The following PCDH15 variants were observed in gnomAD, a reference collection of about 807,000 sequenced individuals.
PCDH15 encodes protocadherin-15.
PCDH15 carries 129 observed loss-of-function variants against 178.5 expected under a neutral mutation model. The observed-to-expected ratio is 0.72, with a 90% CI of 0.63 to 0.84. PCDH15 has a LOEUF of 0.84. PCDH15 is among the 40% of genes least tolerant of loss of function. The pLI is 0.00. For missense variants in PCDH15, 2,230 were observed against 2,099.9 expected, an observed-to-expected ratio of 1.06 and a Z score of -1.21; for synonymous variants, 800 against 732.0, an observed-to-expected ratio of 1.09 and a Z score of -1.50.
chr10:54,887,042 G>A (rs1416187401), intron 3 of PCDH15, among the ~76,000 whole-genome samples: 1 of 152,076 alleles, frequency 6.6e-6, no homozygotes, highest in Non-Finnish European at 1.5e-5. Context: ...AATTCCCCAA[G>A]GACTATTCAA....
chr10:55,255,907 C>T (rs1841983562), intron 1 of PCDH15, among the ~76,000 whole-genome samples: 1 of 152,158 alleles, frequency 6.6e-6, no homozygotes, highest in African/African-American at 2.4e-5. Flanking sequence ...GTTGCCTGTT[C>T]ACTCTGATGG....
chr10:55,173,319 G>GTGTGTGTGTGTA (rs1839390206), intron 1 of PCDH15, among the ~76,000 whole-genome samples: 1 of 149,144 alleles, frequency 6.7e-6, no homozygotes, highest in Non-Finnish European at 1.5e-5. Flanking sequence ...ATGTGTGTGT[G>GTGTGTGTGTGTA]TGTGTGTGTG....
chr10:54,382,468 C>T (rs1263168296), intron 3 of PCDH15, among the ~76,000 whole-genome samples: 1 of 152,042 alleles, frequency 6.6e-6, no homozygotes, highest in East Asian at 1.9e-4. Flanking sequence ...TTAGAGCTTG[C>T]CACCCATACA....
chr10:55,039,290 A>G (rs954856112), intron 2 of PCDH15, among the ~76,000 whole-genome samples: 2 of 152,148 alleles, frequency 1.3e-5, no homozygotes, highest in Non-Finnish European at 2.9e-5. Context: ...CATGAAGAAG[A>G]GACTAAAACA....
At chr10:55,379,818 G>T (rs931277192) in intron 2 of PCDH15, among the ~76,000 whole-genome samples, 1 of 152,016 alleles carries the variant, frequency 6.6e-6, no homozygotes, top group Non-Finnish European at 1.5e-5. Context: ...GAAAAAAGAG[G>T]GGGAAACAAT....
At chr10:54,957,105 T>G (rs1283043286) in intron 2 of PCDH15, among the ~76,000 whole-genome samples, 1 of 151,686 alleles carries the variant, frequency 6.6e-6, no homozygotes, top group Non-Finnish European at 1.5e-5. Flanking sequence ...CATTTAAACT[T>G]TATAACTTTC....
At chr10:54,696,741 C>G (rs2095232247) in intron 1 of PCDH15, among the ~76,000 whole-genome samples, 1 of 151,826 alleles carries the variant, frequency 6.6e-6, no homozygotes, top group Non-Finnish European at 1.5e-5. Context: ...CTACTTCGAG[C>G]TTTATTTTAG....
At chr10:53,987,581 A>G (rs1169588462) in intron 21 of PCDH15, among the ~76,000 whole-genome samples, 2 of 152,350 alleles carry the variant, frequency 1.3e-5, no homozygotes, top group East Asian at 3.9e-4. Flanking sequence ...ATGAAAATAA[A>G]CTTACAGAGT....
intron 32 of PCDH15, 137 bp downstream of exon 32, chr10:53,827,256 A>AAAT (rs1489027418): frequency 1.6e-6 from 2 of 1,273,142 alleles, no homozygotes; most frequent in Admixed American, 5.7e-5. Flanking sequence ...TCGTCTTAAC[A>AAAT]AATTTTCTCT....
intron 37 of PCDH15, among the ~76,000 whole-genome samples, chr10:53,810,024 AGTGTT>A (rs553497386): frequency 1.4e-3 from 210 of 152,160 alleles, no homozygotes; most frequent in Non-Finnish European, 2.6e-3. Flanking sequence ...ATTTCTTGTT[AGTGTT>A]GTTTTTGTAT....
chr10:54,393,336 C>T (rs1446930972), intron 3 of PCDH15, among the ~76,000 whole-genome samples: 1 of 152,132 alleles, frequency 6.6e-6, no homozygotes, highest in Non-Finnish European at 1.5e-5. Context: ...AGTTTTCTTT[C>T]TCAAGAAGGT....
At chr10:55,316,192 T>C (rs988295552) in intron 1 of PCDH15, among the ~76,000 whole-genome samples, 2 of 152,308 alleles carry the variant, frequency 1.3e-5, no homozygotes, top group Non-Finnish European at 2.9e-5. Context: ...CATATGCTAC[T>C]GTAAATAAAT....
chr10:54,949,570 G>A (rs903437995), intron 2 of PCDH15, among the ~76,000 whole-genome samples: 1 of 151,824 alleles, frequency 6.6e-6, no homozygotes, highest in Non-Finnish European at 1.5e-5. Context: ...CAAAAAATGG[G>A]TTTTTCTTTT....
chr10:54,527,868 A>G lies in PCDH15; in HGVS notation c.101T>C (p.Leu34Pro). The part of the protein sequence containing the change: ...CLGQYDDDCK[L>P]ARGGPPATIV... ...GGTAGCTGGTGGTCCTCCCCTAGCTAGTTTGCAATCTAAAGAGAGAAAATA... is the reference window on the plus strand; with the variant it reads ...GGTAGCTGGTGGTCCTCCCCTAGCTGGTTTGCAATCTAAAGAGAGAAAATA... Residue 34 changes from leucine (L) to proline (P), a missense_variant, in exon 3 of 38, where the codon CTA becomes CCA. Leu to Pro is a moderately conservative substitution (Grantham distance 98, BLOSUM62 -3). Transcript: ENST00000644397. The G allele has an allele frequency of 5.0e-6, 8 of 1,612,118 alleles. No individual in the cohort carries two copies. Among genetic ancestry groups the G allele is most frequent in the South Asian group, 2.2e-5 (2 of 90,990 alleles).
At chr10:55,226,245 A>G (rs1841036388) in intron 1 of PCDH15, among the ~76,000 whole-genome samples, 1 of 152,190 alleles carries the variant, frequency 6.6e-6, no homozygotes, top group South Asian at 2.1e-4. Context: ...ATAACCAAGA[A>G]TAGTCTCAGA....
intron 2 of PCDH15, among the ~76,000 whole-genome samples, chr10:55,557,923 C>G (rs892783024): frequency 6.6e-6 from 1 of 152,012 alleles, no homozygotes. Flanking sequence ...TGGGGAAAAC[C>G]TATTTGATGG....
rs148363780 is a variant in PCDH15 at position 53,842,944 on chromosome 10, T to G, written c.3807-2448A>C. On this transcript the variant is annotated intron_variant, in intron 28 of 37. Transcript: ENST00000644397. Reference sequence around the variant, plus strand: ...AGGAAATCCTTCATATAAGCATAGATTAATTGTGTGTGATCCTACAGTGAA... The same window carrying G: ...AGGAAATCCTTCATATAAGCATAGAGTAATTGTGTGTGATCCTACAGTGAA... Among the ~76,000 whole-genome samples, 36 of 152,254 alleles carry G rather than the reference T, an allele frequency of 2.4e-4. No homozygotes were observed. The East Asian group carries it at 6.6e-3, about 28-fold the overall frequency.
chr10:53,906,089 T>A (rs1473217967), intron 25 of PCDH15, among the ~76,000 whole-genome samples: 2 of 152,106 alleles, frequency 1.3e-5, no homozygotes, highest in Non-Finnish European at 2.9e-5. Flanking sequence ...AATTTTGAAA[T>A]TTATGATGTT....
chr10:54,255,476 A>AATAATTG (rs1370601217), intron 8 of PCDH15, among the ~76,000 whole-genome samples: 3 of 152,200 alleles, frequency 2.0e-5, no homozygotes, highest in African/African-American at 7.2e-5. Context: ...TCAAAATCTG[A>AATAATTG]ATAATTGGGC....
Sources: allele counts gnomAD v4.1 joint callset (sites outside exome capture counted in the v4.1 genomes callset), GRCh38; gene constraint gnomAD v4.1.1; transcripts MANE v1.5; gene names NCBI Gene and HGNC (gene_info 2026-07-23, HGNC 2026-07-21).